The following KLHL2 variants were observed in gnomAD, a reference collection of about 807,000 sequenced individuals.
KLHL2 encodes kelch like family member 2.
In KLHL2, 15 loss-of-function variants were observed where a neutral mutation model predicts 75.8. That is an observed-to-expected ratio of 0.20 (90% CI 0.13 to 0.30). The LOEUF is 0.30. KLHL2 is among the 10% of genes least tolerant of loss of function. The pLI, the probability that KLHL2 is intolerant of heterozygous loss-of-function variation, is 1.00. For missense variants in KLHL2, 381 were observed against 741.0 expected (o/e 0.51, Z 5.64); for synonymous variants, 214 against 251.9 (o/e 0.85, Z 1.42).
At chr4:165,237,718 A>G (rs531382211) in intron 3 of KLHL2, among the ~76,000 whole-genome samples, 1 of 152,364 alleles carries the variant, frequency 6.6e-6, no homozygotes, top group East Asian at 1.9e-4. Context: ...GGTTAAAGTG[A>G]AGGTGATGAA....
intron 5 of KLHL2, among the ~76,000 whole-genome samples, chr4:165,264,128 T>G (rs1200881522): frequency 1.3e-5 from 2 of 152,182 alleles, no homozygotes; most frequent in African/African-American, 4.8e-5. Flanking sequence ...AATCTATATT[T>G]TATTTGAGTT....
At chr4:165,305,276 T>C (rs1745639026) in intron 8 of KLHL2, among the ~76,000 whole-genome samples, 1 of 152,216 alleles carries the variant, frequency 6.6e-6, no homozygotes, top group Non-Finnish European at 1.5e-5. Context: ...ATCTAGTTTA[T>C]AGCAAGCCCT....
At chr4:165,265,917 A>G (rs1192944175) in intron 5 of KLHL2, among the ~76,000 whole-genome samples, 1 of 152,174 alleles carries the variant, frequency 6.6e-6, no homozygotes, top group Non-Finnish European at 1.5e-5. Flanking sequence ...CGATGGTTGA[A>G]CTAATTTACA....
chr4:165,292,522 G>A (rs1438239756), intron 5 of KLHL2, among the ~76,000 whole-genome samples: 3 of 151,698 alleles, frequency 2.0e-5, no homozygotes, highest in African/African-American at 4.8e-5. Flanking sequence ...TTGTAGAGAC[G>A]GGGTTTCGCC....
intron 5 of KLHL2, among the ~76,000 whole-genome samples, chr4:165,283,431 G>T (rs983156230): frequency 1.3e-5 from 2 of 152,170 alleles, no homozygotes; most frequent in African/African-American, 4.8e-5. Flanking sequence ...CCAAATGGGA[G>T]AAATTGGCCA....
intron 9 of KLHL2, among the ~76,000 whole-genome samples, chr4:165,307,448 A>G (rs1189503684): frequency 6.6e-6 from 1 of 152,264 alleles, no homozygotes; most frequent in Non-Finnish European, 1.5e-5. Context: ...ACAGTTATCA[A>G]AACTAGAAAT....
At chr4:165,230,759 GT>G (rs1412563918) in intron 3 of KLHL2, among the ~76,000 whole-genome samples, 38 of 152,224 alleles carry the variant, frequency 2.5e-4, no homozygotes, top group African/African-American at 8.9e-4. Context: ...AGCTTATTAT[GT>G]TTTTAGCTCT....
chr4:165,252,698 C>A (rs1227541427), intron 4 of KLHL2: 1 of 151,560 alleles, frequency 6.6e-6, no homozygotes, highest in East Asian at 1.9e-4. Flanking sequence ...CATGGATGCA[C>A]AAGCTACTGT....
At chr4:165,264,763 T>TATAA (rs1560784389) in intron 5 of KLHL2, among the ~76,000 whole-genome samples, 15 of 101,380 alleles carry the variant, frequency 1.5e-4, no homozygotes, top group Non-Finnish European at 2.4e-4. Flanking sequence ...TATATATATA[T>TATAA]ATAAAACATT....
intron 4 of KLHL2, among the ~76,000 whole-genome samples, chr4:165,240,808 T>C (rs932262343): frequency 1.3e-5 from 2 of 152,230 alleles, no homozygotes; most frequent in Admixed American, 6.5e-5. Context: ...TGGGAGAAAA[T>C]TGAGAAAACT....
intron 1 of KLHL2, among the ~76,000 whole-genome samples, chr4:165,215,831 GTTATTA>G (rs960933188): frequency 5.9e-5 from 9 of 151,904 alleles, no homozygotes; most frequent in Non-Finnish European, 1.2e-4. Flanking sequence ...CATGACTTTT[GTTATTA>G]TTATTATTTT....
intron 7 of KLHL2, among the ~76,000 whole-genome samples, chr4:165,298,069 C>G (rs148598099): frequency 1.8e-4 from 27 of 152,182 alleles, no homozygotes; most frequent in Non-Finnish European, 3.5e-4. Context: ...GTGATCTACC[C>G]GCCTCGGCCT....
At chr4:165,321,631 C>T (rs1453706833) in intron 14 of KLHL2, among the ~76,000 whole-genome samples, 2 of 152,080 alleles carry the variant, frequency 1.3e-5, no homozygotes, top group African/African-American at 2.4e-5. Context: ...ACCCCCATGT[C>T]GGTTCAAGGG....
At chr4:165,301,552 T>A (rs1461074962) in intron 8 of KLHL2, among the ~76,000 whole-genome samples, 4 of 152,230 alleles carry the variant, frequency 2.6e-5, no homozygotes. Context: ...CCCTTACACC[T>A]GCTTTTATAA....
intron 5 of KLHL2, among the ~76,000 whole-genome samples, chr4:165,292,340 T>A (rs1387933128): frequency 2.9e-5 from 4 of 139,848 alleles, no homozygotes; most frequent in Admixed American, 1.4e-4. Flanking sequence ...TGAACTTTTT[T>A]ATTTTTTTTT....
Position 165,247,685 on chromosome 4 carries a change from G to A in KLHL2, c.381+8786G>A, listed in dbSNP as rs186611223. Among the ~76,000 whole-genome samples, 6 of 152,308 alleles carry A rather than the reference G, an allele frequency of 3.9e-5. No homozygotes were observed. The East Asian group carries it at 1.2e-3, about 29-fold the overall frequency. ...AGTTAGTGGCTTGGATGGTGGAAAGGTAGGTATTTTATCAGCTTGCATATA... is the reference window on the plus strand; with the variant it reads ...AGTTAGTGGCTTGGATGGTGGAAAGATAGGTATTTTATCAGCTTGCATATA... On this transcript the variant is annotated intron_variant, in intron 4 of 14. Transcript: ENST00000226725.
intron 11 of KLHL2, among the ~76,000 whole-genome samples, chr4:165,312,667 C>T (rs1490808063): frequency 6.6e-6 from 1 of 152,200 alleles, no homozygotes; most frequent in Non-Finnish European, 1.5e-5. Flanking sequence ...ACCCAACCTT[C>T]AGCAACTGCT....
Position 165,305,632 on chromosome 4 carries a change from G to A in KLHL2, c.946G>A (p.Ala316Thr). Residue 316 changes from alanine to threonine, a missense_variant, in exon 9 of 15, where the codon GCA (alanine) becomes ACA (threonine). By Grantham distance (58) the Ala-to-Thr change is moderately conservative. This residue lies in a region of KLHL2 where 168 missense variants were observed against 370.4 expected (regional missense o/e 0.45). Transcript: ENST00000226725. ...PKLMVVVGGQ[A>T]PKAIRSVECY... ...GTTGATGGTGGTGGTTGGGGGCCAA[G>A]CACCAAAGGCTATCCGGAGTGTGGA... 1 of 1,614,006 alleles carries A rather than the reference G, an allele frequency of 6.2e-7. No homozygotes were observed. Among genetic ancestry groups the A allele is most frequent in the Non-Finnish European group, 8.5e-7 (1 of 1,179,904 alleles).
chr4:165,244,652 AAC>A, intron 4 of KLHL2, among the ~76,000 whole-genome samples: 1 of 151,304 alleles, frequency 6.6e-6, no homozygotes, highest in African/African-American at 2.5e-5. Flanking sequence ...CAAACAAACA[AAC>A]AAAAAAGGAA....
Sources: gnomAD v4.1 joint callset for allele counts (sites outside exome capture counted in the v4.1 genomes callset) on GRCh38, gnomAD v4.1.1 for gene constraint, gnomAD v4.1.1 regional missense constraint, MANE v1.5 for transcripts, NCBI Gene and HGNC (gene_info 2026-07-23, HGNC 2026-07-21) for gene names.